PAPSS1: variants seen among roughly 807,000 people sequenced by gnomAD.
PAPSS1 encodes the protein bifunctional 3'-phosphoadenosine 5'-phosphosulfate synthase 1.
A neutral mutation model predicts 72.0 loss-of-function variants in PAPSS1; 50 were observed. The observed-to-expected ratio is 0.69, with a 90% CI of 0.55 to 0.88. The LOEUF (loss-of-function observed/expected upper bound fraction) is 0.88, where lower values mean the gene tolerates loss of function less well. PAPSS1 is among the 40% of genes least tolerant of loss of function. The pLI is 0.00. For missense variants in PAPSS1, 657 were observed against 782.2 expected, an observed-to-expected ratio of 0.84 and a Z score of 1.91; for synonymous variants, 261 against 263.6, an observed-to-expected ratio of 0.99 and a Z score of 0.09.
At chr4:107,669,389 T>G (rs563860553) in intron 5 of PAPSS1, among the ~76,000 whole-genome samples, 121 of 152,306 alleles carry the variant, frequency 7.9e-4, no homozygotes, top group African/African-American at 2.8e-3. Flanking sequence ...TCTTCCTCAA[T>G]TGCATTTTTA....
chr4:107,653,465 A>T lies in PAPSS1; in HGVS notation c.1237+26T>A, dbSNP rs1219517511. ...GAACTTTCTCTCCAAGCCGGCCTAT[A>T]TTAGGTAATTAAATCCATGTCTTAC... On this transcript the variant is annotated intron_variant, in intron 9 of 11. Coordinates refer to ENST00000265174, the MANE Select transcript of PAPSS1 (RefSeq NM_005443.5). 3.7e-6 allele frequency: 6 copies of T among 1,602,288 alleles called. No homozygotes were observed. In the Admixed American group the frequency reaches 1.0e-4, roughly 28 times the overall value.
At chr4:107,696,898 T>G (rs1357382126) in intron 2 of PAPSS1, among the ~76,000 whole-genome samples, 1 of 152,174 alleles carries the variant, frequency 6.6e-6, no homozygotes, top group African/African-American at 2.4e-5. Flanking sequence ...CAATGTGACT[T>G]TACTACTGTC....
intron 11 of PAPSS1, among the ~76,000 whole-genome samples, chr4:107,624,901 G>T (rs151337339): frequency 1.4e-3 from 210 of 152,280 alleles, no homozygotes; most frequent in African/African-American, 4.8e-3. Context: ...AAATACTTGT[G>T]TATTGCAAAG....
At chr4:107,661,228 T>C (rs894731116) in intron 5 of PAPSS1, among the ~76,000 whole-genome samples, 5 of 152,096 alleles carry the variant, frequency 3.3e-5, no homozygotes, top group South Asian at 4.1e-4. Context: ...TGTGGAGCAA[T>C]AGGAACCCTC....
Position 107,635,993 on chromosome 4 carries a change from C to T in PAPSS1, c.1507-4133G>A, listed in dbSNP as rs559222531. 2.6e-5 allele frequency among the ~76,000 whole-genome samples: 4 copies of T among 152,224 alleles called. No homozygotes were observed. In the East Asian group the frequency reaches 7.7e-4, roughly 29 times the overall value. ...GCTTCCAGTATTTCAAAGTCAGTGACAAAGCAGGCATGTGAGTGCACAGTG... is the reference window on the plus strand; with the variant it reads ...GCTTCCAGTATTTCAAAGTCAGTGATAAAGCAGGCATGTGAGTGCACAGTG... On this transcript the variant is annotated intron_variant, in intron 10 of 11. Coordinates refer to ENST00000265174, the MANE Select transcript of PAPSS1 (RefSeq NM_005443.5).
At chr4:107,660,123 T>A in intron 5 of PAPSS1, 51 bp from the exon 6 acceptor site, 1 of 941,668 alleles carries the variant, frequency 1.1e-6, no homozygotes, top group Non-Finnish European at 1.6e-6. Context: ...GAATTTAGAG[T>A]TCACCAAAGG....
chr4:107,651,632 T>A (rs1036399415), intron 9 of PAPSS1, among the ~76,000 whole-genome samples: 2 of 152,112 alleles, frequency 1.3e-5, no homozygotes, highest in African/African-American at 4.8e-5. Flanking sequence ...AAGCCCCTTA[T>A]AAAACCATCA....
chr4:107,710,692 T>C (rs1210004916), intron 1 of PAPSS1, among the ~76,000 whole-genome samples: 1 of 152,190 alleles, frequency 6.6e-6, no homozygotes, highest in East Asian at 1.9e-4. Context: ...CATAGCTACA[T>C]GGCCAGCTCT....
At position 107,616,529 on chromosome 4, in the gene PAPSS1, T is replaced by C. The variant is rs1578375591; in HGVS notation, c.1737-2142A>G. Among the ~76,000 whole-genome samples the C allele has an allele frequency of 4.6e-5, 7 of 152,278 alleles. 2 individuals carry two copies. Among genetic ancestry groups the C allele is most frequent in the Admixed American group, 4.6e-4 (7 of 15,294 alleles). On this transcript the variant is annotated intron_variant, in intron 11 of 11. Coordinates refer to ENST00000265174, the MANE Select transcript of PAPSS1 (RefSeq NM_005443.5). ...ATCTAACTAGGAGCTCAGTAAATATTTGGTGAAATATGAAAGGATAAATAG... is the reference window on the plus strand; with the variant it reads ...ATCTAACTAGGAGCTCAGTAAATATCTGGTGAAATATGAAAGGATAAATAG...
chr4:107,674,597 C>A (rs1234048658), intron 5 of PAPSS1, among the ~76,000 whole-genome samples: 3 of 152,148 alleles, frequency 2.0e-5, no homozygotes, highest in Non-Finnish European at 4.4e-5. Flanking sequence ...GACTTTAACA[C>A]CTCACTGTCA....
intron 1 of PAPSS1, among the ~76,000 whole-genome samples, chr4:107,718,785 C>T (rs1477919316): frequency 6.6e-6 from 1 of 152,190 alleles, no homozygotes; most frequent in Non-Finnish European, 1.5e-5. Context: ...ACCTTATTTC[C>T]CTAACCGTGA....
chr4:107,614,264 G>T lies in PAPSS1; in HGVS notation c.1860C>A (p.Ser620=), dbSNP rs1299101436. 1 of 1,613,304 alleles carries T rather than the reference G, an allele frequency of 6.2e-7. No individual in the cohort carries two copies. Among genetic ancestry groups the T allele is most frequent in the Non-Finnish European group, 8.5e-7 (1 of 1,179,630 alleles). Residue 620 remains serine, a synonymous_variant, in exon 12 of 12, where the codon TCC becomes TCA. Transcript: ENST00000265174. Reference sequence around the variant, plus strand: ...GGTTAACAGCCTAAGCTTTCTCCAAGGATTTGTAGTATTCTGTCAGCACGG... The same window carrying T: ...GGTTAACAGCCTAAGCTTTCTCCAATGATTTGTAGTATTCTGTCAGCACGG... ...AWTVLTEYYK[S]LEKA is the part of the protein sequence containing the mutation.
At chr4:107,614,990 C>T (rs1725783244) in intron 11 of PAPSS1, among the ~76,000 whole-genome samples, 1 of 150,282 alleles carries the variant, frequency 6.7e-6, no homozygotes, top group Non-Finnish European at 1.5e-5. Context: ...TTCAAGAAAA[C>T]ACTAAATCTA....
intron 1 of PAPSS1, among the ~76,000 whole-genome samples, chr4:107,717,618 T>C (rs1312557252): frequency 1.3e-5 from 2 of 152,174 alleles, no homozygotes; most frequent in African/African-American, 4.8e-5. Flanking sequence ...TCTCATAATA[T>C]TCACCCTCAG....
Position 107,614,002 on chromosome 4 carries a change from C to T in PAPSS1, c.*247G>A, listed in dbSNP as rs1019893626. 7.6e-5 allele frequency: 21 copies of T among 276,120 alleles called. No homozygotes were observed. Among genetic ancestry groups the T allele is most frequent in the African/African-American group, 4.6e-4 (21 of 45,242 alleles). 17.1% of individuals were successfully genotyped at this position (276,120 alleles called of 1,614,324 possible). The stretch of plus-strand genomic sequence containing the variant: ...GAAGCATAAATATAATATAAAAAGA[C>T]AATTTTAAAATTGTATTGTAGGAAT... On this transcript the variant is annotated 3_prime_UTR_variant, in exon 12 of 12. Transcript: ENST00000265174.
intron 9 of PAPSS1, among the ~76,000 whole-genome samples, chr4:107,649,078 C>A (rs759527644): frequency 6.6e-6 from 1 of 152,220 alleles, no homozygotes; most frequent in Non-Finnish European, 1.5e-5. Context: ...CAACTGGGTT[C>A]TGTGCCGCTT....
intron 3 of PAPSS1, among the ~76,000 whole-genome samples, chr4:107,688,924 A>T (rs1722852197): frequency 6.6e-6 from 1 of 152,152 alleles, no homozygotes; most frequent in Non-Finnish European, 1.5e-5. Context: ...TCCCAAATCA[A>T]GGAAGACCAC....
At chr4:107,694,117 A>G (rs1028808011) in intron 2 of PAPSS1, 111 bp from the exon 3 acceptor site, 2 of 742,622 alleles carry the variant, frequency 2.7e-6, no homozygotes, top group African/African-American at 3.5e-5. Flanking sequence ...CCCAGGCTGG[A>G]GTGCAGAGGC....
At chr4:107,672,372 G>A (rs552899981) in intron 5 of PAPSS1, among the ~76,000 whole-genome samples, 5 of 152,346 alleles carry the variant, frequency 3.3e-5, no homozygotes, top group African/African-American at 1.2e-4. Context: ...CCACCCTAAT[G>A]CCGCACTTTT....
Sources: allele counts gnomAD v4.1 joint callset (sites outside exome capture counted in the v4.1 genomes callset), GRCh38; gene constraint gnomAD v4.1.1; transcripts MANE v1.5; gene names NCBI Gene and HGNC (gene_info 2026-07-23, HGNC 2026-07-21).